CRYBB1: variants seen among roughly 807,000 people sequenced by gnomAD.
The protein encoded by CRYBB1 is crystallin beta B1.
Under a neutral mutation model 29.5 loss-of-function variants are expected in CRYBB1, and 16 were observed. The ratio of observed to expected loss-of-function variants is 0.54; its 90% CI spans 0.37 to 0.82. The LOEUF (loss-of-function observed/expected upper bound fraction) is 0.82. CRYBB1 is among the 40% of genes least tolerant of loss of function. The pLI is 0.00. For synonymous variants in CRYBB1, 127 were observed against 136.7 expected, an observed-to-expected ratio of 0.93 and a Z score of 0.49; for missense variants, 300 against 350.5, an observed-to-expected ratio of 0.86 and a Z score of 1.15.
chr22:26,600,911 A>G (rs1928799175), intron 5 of CRYBB1, among the ~76,000 whole-genome samples: 1 of 152,098 alleles, frequency 6.6e-6, no homozygotes, highest in Admixed American at 6.5e-5. Flanking sequence ...TTCTTTACCT[A>G]GTATTGTTGG....
At chr22:26,605,671 CAAAAAAAAAA>C (rs771110435) in intron 4 of CRYBB1, among the ~76,000 whole-genome samples, 1 of 54,214 alleles carries the variant, frequency 1.8e-5, no homozygotes, top group African/African-American at 6.9e-5. Context: ...AGATGTGTCT[CAAAAAAAAAA>C]AAAAAAAAAA....
intron 4 of CRYBB1, among the ~76,000 whole-genome samples, chr22:26,607,211 C>CG (rs1441125040): frequency 6.6e-6 from 1 of 151,492 alleles, no homozygotes; most frequent in East Asian, 1.9e-4. Flanking sequence ...TTAGTAAAGA[C>CG]GGGGTTTCGT....
intron 2 of CRYBB1, among the ~76,000 whole-genome samples, chr22:26,614,392 C>G (rs1569207634): frequency 6.6e-6 from 1 of 152,170 alleles, no homozygotes; most frequent in Non-Finnish European, 1.5e-5. Flanking sequence ...CCCTTTATTT[C>G]TCAAGCTGGC....
intron 2 of CRYBB1, among the ~76,000 whole-genome samples, chr22:26,612,403 C>T (rs1929202911): frequency 1.3e-5 from 2 of 152,138 alleles, no homozygotes; most frequent in African/African-American, 4.8e-5. Context: ...CACTCTGTCG[C>T]CCCAGCTGAA....
At chr22:26,615,965 A>G (rs1929337013) in intron 2 of CRYBB1, among the ~76,000 whole-genome samples, 175 bp downstream of exon 2, 2 of 152,090 alleles carry the variant, frequency 1.3e-5, no homozygotes, top group South Asian at 4.2e-4. Flanking sequence ...GGGGAGGTGG[A>G]GAAGAAGAAA....
intron 4 of CRYBB1, 131 bp from the exon 5 acceptor site, chr22:26,602,152 C>T (rs1928841611): frequency 2.6e-6 from 3 of 1,141,996 alleles, no homozygotes. Flanking sequence ...CTCCAGGGAC[C>T]ACTGCTGTCT....
Position 26,605,804 on chromosome 22 carries a change from G to A in CRYBB1, c.432+2085C>T, listed in dbSNP as rs140504548. ...CTCTAACTTCCCACGACAGGGGGCT[G>A]GAAAGGAGTCAGGGAACCCAGCAGG... On this transcript the variant is annotated intron_variant, in intron 4 of 5. Coordinates refer to ENST00000647684, the MANE Select transcript of CRYBB1 (RefSeq NM_001887.4). Among the ~76,000 whole-genome samples the A allele has an allele frequency of 5.9e-5, 9 of 151,764 alleles. No individual in the cohort carries two copies. The East Asian group carries it at 7.7e-4, about 13-fold the overall frequency.
At position 26,599,301 on chromosome 22, in the gene CRYBB1, T is replaced by C; in HGVS notation, c.*189A>G. The C allele has an allele frequency of 1.7e-6, 1 of 605,460 alleles. No individual in the cohort carries two copies. The highest frequency in any genetic ancestry group is 2.1e-5 in the South Asian group (1 of 47,856). The allele number at this position is 605,460 out of a possible 1,614,324, so 37.5% of individuals were successfully genotyped here. Reference sequence around the variant, plus strand: ...AGAACTTTTCAGTGTTTGCTGCTTTTATTATCGTTGTAATTATTAAGAGCG... The same window carrying C: ...AGAACTTTTCAGTGTTTGCTGCTTTCATTATCGTTGTAATTATTAAGAGCG... On this transcript the variant is annotated 3_prime_UTR_variant, in exon 6 of 6. Coordinates refer to ENST00000647684, the MANE Select transcript of CRYBB1 (RefSeq NM_001887.4).
chr22:26,616,072 A>G (rs373960949), intron 2 of CRYBB1, 68 bp downstream of exon 2: 5 of 1,225,084 alleles, frequency 4.1e-6, no homozygotes, highest in Non-Finnish European at 4.8e-6. Context: ...GGAGGAGGAG[A>G]AGAAGGAGGA....
intron 4 of CRYBB1, among the ~76,000 whole-genome samples, chr22:26,603,143 AAC>A (rs1384311018): frequency 4.6e-5 from 7 of 151,636 alleles, no homozygotes; most frequent in African/African-American, 4.8e-5. Flanking sequence ...AAAAAAAAAA[AAC>A]AAAAAACAAA....
chr22:26,615,389 C>T lies in CRYBB1; in HGVS notation c.180+751G>A, dbSNP rs555693498. 2.6e-5 allele frequency among the ~76,000 whole-genome samples: 4 copies of T among 152,202 alleles called. No individual in the cohort carries two copies. The East Asian group carries it at 7.7e-4, about 29-fold the overall frequency. On this transcript the variant is annotated intron_variant, in intron 2 of 5. Coordinates refer to ENST00000647684, the MANE Select transcript of CRYBB1 (RefSeq NM_001887.4). The stretch of plus-strand genomic sequence containing the variant: ...TTTTCTTCTTTTTTTTTCTTGCTTT[C>T]GATAAACTCTAAGCATGTGCGTGTG...
At chr22:26,616,922 A>G (rs1347662127) in intron 1 of CRYBB1, among the ~76,000 whole-genome samples, 1 of 152,238 alleles carries the variant, frequency 6.6e-6, no homozygotes, top group Non-Finnish European at 1.5e-5. Flanking sequence ...CTTTTAAAGT[A>G]TTCTGCCATT....
intron 5 of CRYBB1, 39 bp from the exon 6 acceptor site, chr22:26,599,712 G>C (rs373211830): frequency 6.4e-7 from 1 of 1,571,966 alleles, no homozygotes; most frequent in East Asian, 2.2e-5. Context: ...GAGACAGCCT[G>C]TCTCGTTGCC....
chr22:26,602,998 G>A (rs976734882), intron 4 of CRYBB1, among the ~76,000 whole-genome samples: 1 of 151,860 alleles, frequency 6.6e-6, no homozygotes, highest in Non-Finnish European at 1.5e-5. Context: ...GGTGGTGGGA[G>A]CCTGTAGTCC....
intron 3 of CRYBB1, among the ~76,000 whole-genome samples, chr22:26,610,249 G>T (rs1929115573): frequency 6.6e-6 from 1 of 152,146 alleles, no homozygotes; most frequent in East Asian, 1.9e-4. Flanking sequence ...CCAGCCTAAG[G>T]TCACATGATG....
intron 4 of CRYBB1, among the ~76,000 whole-genome samples, chr22:26,603,265 C>A (rs1205220438): frequency 6.6e-6 from 1 of 152,042 alleles, no homozygotes; most frequent in Non-Finnish European, 1.5e-5. Flanking sequence ...CATGGTGGCT[C>A]ACATCTGTAA....
At chr22:26,604,068 A>G (rs569189055) in intron 4 of CRYBB1, among the ~76,000 whole-genome samples, 2 of 152,360 alleles carry the variant, frequency 1.3e-5, no homozygotes, top group South Asian at 4.1e-4. Context: ...GGGATCATCC[A>G]TCTTTTCAAA....
At chr22:26,601,398 G>A (rs896438048) in intron 5 of CRYBB1, among the ~76,000 whole-genome samples, 1 of 152,112 alleles carries the variant, frequency 6.6e-6, no homozygotes, top group African/African-American at 2.4e-5. Flanking sequence ...TGGCAAGACT[G>A]AGAGGCAGAG....
intron 3 of CRYBB1, among the ~76,000 whole-genome samples, chr22:26,608,494 C>T (rs1396793609): frequency 6.6e-6 from 1 of 152,154 alleles, no homozygotes; most frequent in African/African-American, 2.4e-5. Flanking sequence ...AGAGAAAAGA[C>T]CACTAGCCCA....
Sources: gnomAD v4.1 joint callset for allele counts (sites outside exome capture counted in the v4.1 genomes callset) on GRCh38, gnomAD v4.1.1 for gene constraint, MANE v1.5 for transcripts, NCBI Gene and HGNC (gene_info 2026-07-23, HGNC 2026-07-21) for gene names.